INPP5K: variants seen among roughly 807,000 people sequenced by gnomAD.
INPP5K encodes inositol polyphosphate 5-phosphatase K.
INPP5K carries 35 observed loss-of-function variants against 53.5 expected under a neutral mutation model. That is an observed-to-expected ratio of 0.65 (90% CI 0.50 to 0.87). The LOEUF is 0.87. Among genes scored for constraint, INPP5K ranks in the 40% least tolerant of loss-of-function variants. The pLI is 0.00. For missense variants in INPP5K, 550 were observed against 586.2 expected (o/e 0.94, Z 0.64); for synonymous variants, 253 against 232.8 (o/e 1.09, Z -0.79).
intron 7 of INPP5K, among the ~76,000 whole-genome samples, chr17:1,498,999 G>A (rs1598363666): frequency 6.6e-6 from 1 of 152,216 alleles, no homozygotes; most frequent in East Asian, 1.9e-4. Flanking sequence ...CAGGATTCAG[G>A]GCCAGCCAGC....
Position 1,502,477 on chromosome 17 carries a change from C to T in INPP5K, c.777-4355G>A, listed in dbSNP as rs563771088. Among the ~76,000 whole-genome samples the T allele has an allele frequency of 2.6e-5, 4 of 152,260 alleles. No individual in the cohort carries two copies. The East Asian group carries it at 7.7e-4, about 29-fold the overall frequency. On this transcript the variant is annotated intron_variant, in intron 7 of 11. Coordinates refer to ENST00000421807, the MANE Select transcript of INPP5K (RefSeq NM_016532.4). ...ATATGCTGTCATGTAAGGGTCTTCC[C>T]CAAGCCCTGACCACAGCCTGTCTCT... is the stretch of plus-strand genomic sequence containing the variant.
Position 1,509,763 on chromosome 17 carries a change from C to A in INPP5K, c.298G>T (p.Val100Phe). 6.2e-7 allele frequency: 1 copy of A among 1,613,500 alleles called. No homozygotes were observed. The highest frequency in any genetic ancestry group is 2.2e-5 in the East Asian group (1 of 44,880). Reference sequence around the variant, plus strand: ...GGCAAATGCTGATACTTGGCAAAGACCAGTAAGAGGATCCCCTGCATACGG... The same window carrying A: ...GGCAAATGCTGATACTTGGCAAAGAACAGTAAGAGGATCCCCTGCATACGG... ...HVRMQGILLL[V>F]FAKYQHLPYI... Residue 100 changes from valine (V) to phenylalanine (F), a missense_variant, in exon 4 of 12, where the codon GTC becomes TTC. Transcript: ENST00000421807.
intron 2 of INPP5K, 38 bp downstream of exon 2, chr17:1,513,834 C>G: frequency 6.8e-7 from 1 of 1,470,220 alleles, no homozygotes; most frequent in Non-Finnish European, 9.5e-7. Context: ...AAACCTGGGA[C>G]TGGTCAGGGA....
rs148947900 is a variant in INPP5K at position 1,511,640 on chromosome 17, C to A, written c.261+1813G>T. 3.1e-3 allele frequency among the ~76,000 whole-genome samples: 466 copies of A among 152,296 alleles called. 1 individual carries two copies. Among genetic ancestry groups the A allele is most frequent in the Non-Finnish European group, 3.8e-3 (261 of 68,022 alleles). ...TGCTACAGGTGTGTCCTCAAGCCTA[C>A]TTCCTCCCCAGTCTTCTCTCTCCTA... On this transcript the variant is annotated intron_variant, in intron 3 of 11. Transcript: ENST00000421807.
intron 1 of INPP5K, chr17:1,515,859 T>TA: frequency 1.0e-6 from 1 of 955,680 alleles, no homozygotes; most frequent in Non-Finnish European, 1.2e-6. Context: ...AAAGACCTTT[T>TA]ACTCAGAGAC....
In INPP5K at chr17:1,494,652, G is replaced by A. The variant is rs916137110; in HGVS notation, c.*1171C>T. On this transcript the variant is annotated 3_prime_UTR_variant, in exon 12 of 12. Coordinates refer to ENST00000421807, the MANE Select transcript of INPP5K (RefSeq NM_016532.4). ...GCCAGCCATGGCCTGCTGGAAGCCAGGGGACAATTCTTCATACACAGGCTT... is the reference window on the plus strand; with the variant it reads ...GCCAGCCATGGCCTGCTGGAAGCCAAGGGACAATTCTTCATACACAGGCTT... 6.6e-6 allele frequency: 1 copy of A among 152,340 alleles called. No individual in the cohort carries two copies. The highest frequency in any genetic ancestry group is 1.5e-5 in the Non-Finnish European group (1 of 68,134). The allele number at this position is 152,340 out of a possible 1,614,324, so 9.4% of individuals were successfully genotyped here.
rs546755679 is a variant in INPP5K, at chr17:1,509,027, G to A, written c.554+151C>T. 120 of 690,860 alleles carry A rather than the reference G, an allele frequency of 1.7e-4. 1 individual carries two copies. The East Asian group carries it at 3.0e-3, about 17-fold the overall frequency. The allele number at this position is 690,860 out of a possible 1,614,324, so 42.8% of individuals were successfully genotyped here. On this transcript the variant is annotated intron_variant, in intron 5 of 11. Coordinates refer to ENST00000421807, the MANE Select transcript of INPP5K (RefSeq NM_016532.4). ...TGGCGGTCAGCGTGGGGCAGAGGGC[G>A]GGGAACAGTCTGCAGACCCAGGCTC...
chr17:1,507,312 C>T (rs2075182349), intron 6 of INPP5K: 1 of 554,166 alleles, frequency 1.8e-6, no homozygotes, highest in South Asian at 2.3e-5. Context: ...AGGCAGCTGT[C>T]TGCCGTTTCC....
At chr17:1,513,003 C>T (rs1306260629) in intron 3 of INPP5K, among the ~76,000 whole-genome samples, 1 of 152,206 alleles carries the variant, frequency 6.6e-6, no homozygotes, top group African/African-American at 2.4e-5. Flanking sequence ...TAAAATATCT[C>T]TATTTCAACA....
chr17:1,500,730 A>G (rs2074989949), intron 7 of INPP5K, among the ~76,000 whole-genome samples: 1 of 146,620 alleles, frequency 6.8e-6, no homozygotes, highest in African/African-American at 2.5e-5. Context: ...CCCACTCAGC[A>G]TGTCACTTAG....
At chr17:1,509,095 G>A in intron 5 of INPP5K, 83 bp downstream of exon 5, 1 of 1,231,640 alleles carries the variant, frequency 8.1e-7, no homozygotes, top group South Asian at 1.3e-5. Flanking sequence ...GGAGCGGTCT[G>A]CAGACCCAGG....
chr17:1,516,133 G>A, intron 1 of INPP5K: 2 of 1,273,536 alleles, frequency 1.6e-6, no homozygotes, highest in Non-Finnish European at 9.9e-7. Flanking sequence ...TGAAAAGTAG[G>A]AAAAAGATTT....
In INPP5K at chr17:1,496,056, T is replaced by C. The variant is rs1163919466; in HGVS notation, c.1290+4A>G. On this transcript the variant is annotated splice_donor_region_variant and intron_variant, in intron 11 of 11. Transcript: ENST00000421807. ...CTTCCCCTTCCCTCACCAGCACTGCTTACCTGGAAGGGTCTGCTTATCCCC... is the reference window on the plus strand; with the variant it reads ...CTTCCCCTTCCCTCACCAGCACTGCCTACCTGGAAGGGTCTGCTTATCCCC... The C allele has an allele frequency of 1.3e-6, 2 of 1,593,940 alleles. No homozygotes were observed. Among genetic ancestry groups the C allele is most frequent in the Non-Finnish European group, 1.7e-6 (2 of 1,161,796 alleles).
intron 7 of INPP5K, among the ~76,000 whole-genome samples, chr17:1,505,375 AC>A (rs1369844502): frequency 6.6e-6 from 1 of 151,576 alleles, no homozygotes; most frequent in Non-Finnish European, 1.5e-5. Flanking sequence ...CCCCCTCCCC[AC>A]CCAAGGCCCT....
chr17:1,513,976 T>C lies in INPP5K; in HGVS notation c.48A>G (p.Ile16Met), dbSNP rs1353344669. Residue 16 changes from isoleucine (I) to methionine (M), a missense_variant, in exon 2 of 12, where the codon ATA becomes ATG. Transcript: ENST00000421807. ...AAGCCACGTTCCAAGTCACGACGTG[T>C]ATGCTGCGGAAGGGATGCAGAGGGA... ...LSGPKGRRLS[I>M]HVVTWNVASA... 1.1e-5 allele frequency: 17 copies of C among 1,607,728 alleles called. No homozygotes were observed. The East Asian group carries it at 3.6e-4, about 34-fold the overall frequency.
In INPP5K at chr17:1,508,224, A is replaced by T; in HGVS notation, c.557T>A (p.Leu186His). 6.2e-7 allele frequency: 1 copy of T among 1,611,970 alleles called. No individual in the cohort carries two copies. The highest frequency in any genetic ancestry group is 8.5e-7 in the Non-Finnish European group (1 of 1,178,084). Reference sequence around the variant, plus strand: ...GTTCATGTCTCCAAACCAGATAATGAGGCTTCAGAAAAAAAGGAGGGCAGC... The same window carrying T: ...GTTCATGTCTCCAAACCAGATAATGTGGCTTCAGAAAAAAAGGAGGGCAGC... ...RDIPNILDHD[L>H]IIWFGDMNFR... is the part of the protein sequence containing the mutation. The change falls in exon 6 of 12, where the codon CTC becomes CAC. Residue 186 changes from leucine (L) to histidine (H), a missense_variant and splice_region_variant. Physicochemically the swap from Leu to His is moderately conservative, Grantham distance 99 (BLOSUM62 -3). Coordinates refer to ENST00000421807, the MANE Select transcript of INPP5K (RefSeq NM_016532.4).
intron 7 of INPP5K, among the ~76,000 whole-genome samples, chr17:1,502,922 CACTGTT>C (rs2150983887): frequency 6.6e-6 from 1 of 151,482 alleles, no homozygotes; most frequent in Non-Finnish European, 1.5e-5. Context: ...GACAGGGTCT[CACTGTT>C]GCCCAGGCTG....
intron 7 of INPP5K, 39 bp downstream of exon 7, chr17:1,506,941 T>C (rs768169439): frequency 2.8e-6 from 4 of 1,436,546 alleles, no homozygotes; most frequent in South Asian, 2.3e-5. Flanking sequence ...CAGTGTAACC[T>C]GACTTCCTAG....
In INPP5K at chr17:1,496,144, A is replaced by G; in HGVS notation, c.1206T>C (p.Asn402=). 6.2e-7 allele frequency: 1 copy of G among 1,612,506 alleles called. No individual in the cohort carries two copies. The highest frequency in any genetic ancestry group is 8.5e-7 in the Non-Finnish European group (1 of 1,178,576). ...NLNQVYIDIS[N]IPTTEDEFLL... ...GAAACTCATCTTCAGTGGTAGGGAT[A>G]TTGCTGATGTCGATGTAAACCTGGA... The change falls in exon 11 of 12, where the codon AAT becomes AAC. Residue 402 remains asparagine (N), a synonymous_variant. Transcript: ENST00000421807.
Sources: allele counts gnomAD v4.1 joint callset (sites outside exome capture counted in the v4.1 genomes callset), GRCh38; gene constraint gnomAD v4.1.1; transcripts MANE v1.5; gene names NCBI Gene and HGNC (gene_info 2026-07-23, HGNC 2026-07-21).